Variants in PRKCZ observed in about 807,000 individuals in gnomAD.
PRKCZ encodes the protein protein kinase C zeta type.
PRKCZ carries 33 observed loss-of-function variants against 79.5 expected under a neutral mutation model. That is an observed-to-expected ratio of 0.41 (90% CI 0.31 to 0.55). The LOEUF is 0.55. Ranked by LOEUF, PRKCZ falls within the 20% of genes least tolerant of loss-of-function variation. The pLI is 0.19. For synonymous variants in PRKCZ, 342 were observed against 320.9 expected (o/e 1.07, Z -0.70); for missense variants, 578 against 813.5 (o/e 0.71, Z 3.52).
intron 4 of PRKCZ, among the ~76,000 whole-genome samples, chr1:2,109,717 G>A (rs1204077507): frequency 6.6e-6 from 1 of 152,194 alleles, no homozygotes; most frequent in Non-Finnish European, 1.5e-5. Context: ...TTACGGGGTC[G>A]GGCTCTCATT....
At chr1:2,119,305 C>G (rs147237062) in intron 4 of PRKCZ, among the ~76,000 whole-genome samples, 1,926 of 150,222 alleles carry the variant, frequency 0.013, 34 homozygotes, top group African/African-American at 0.044. Context: ...ACCTCCACCT[C>G]CTGGGTTCAA....
Position 2,052,840 on chromosome 1 carries a change from A to G in PRKCZ, c.71+2139A>G, listed in dbSNP as rs551225154. ...GGGTAGCTGAGCGTGGACACGTGGA[A>G]GACTAGTCTTTAGAAAAAGGAAGAG... is the stretch of plus-strand genomic sequence containing the variant. On this transcript the variant is annotated intron_variant, in intron 1 of 17. Coordinates refer to ENST00000378567, the MANE Select transcript of PRKCZ (RefSeq NM_002744.6). Among the ~76,000 whole-genome samples the G allele has an allele frequency of 4.6e-4, 70 of 152,176 alleles. 1 individual carries two copies. The highest frequency in any genetic ancestry group is 1.2e-3 in the Admixed American group (19 of 15,286).
At chr1:2,078,840 G>T (rs1035308608) in intron 4 of PRKCZ, among the ~76,000 whole-genome samples, 29 of 146,212 alleles carry the variant, frequency 2.0e-4, no homozygotes, top group African/African-American at 7.0e-4. Flanking sequence ...TTCTCTGAAG[G>T]TGGCTTTTTT....
At chr1:2,109,317 C>T (rs995339520) in intron 4 of PRKCZ, among the ~76,000 whole-genome samples, 1 of 152,160 alleles carries the variant, frequency 6.6e-6, no homozygotes, top group African/African-American at 2.4e-5. Flanking sequence ...GAGGCACTGC[C>T]GGACGCGCAG....
intron 9 of PRKCZ, among the ~76,000 whole-genome samples, chr1:2,152,721 C>T (rs972940412): frequency 3.9e-5 from 6 of 152,342 alleles, no homozygotes; most frequent in African/African-American, 1.2e-4. Flanking sequence ...TCTTCCTCTG[C>T]GGACTTCCGT....
intron 1 of PRKCZ, among the ~76,000 whole-genome samples, chr1:2,053,773 C>T (rs1446179592): frequency 2.6e-5 from 4 of 152,202 alleles, no homozygotes; most frequent in Admixed American, 2.6e-4. Context: ...TTTTGGACTC[C>T]AGGTCAGGCA....
intron 4 of PRKCZ, among the ~76,000 whole-genome samples, chr1:2,108,025 C>T (rs982713607): frequency 6.6e-6 from 1 of 152,250 alleles, no homozygotes; most frequent in Non-Finnish European, 1.5e-5. Flanking sequence ...AGCCTGCCTC[C>T]GTGGGGTGCT....
At chr1:2,121,954 C>T (rs796308505) in intron 4 of PRKCZ, among the ~76,000 whole-genome samples, 4 of 2,046 alleles carry the variant, frequency 2.0e-3, no homozygotes, top group South Asian at 0.016. Context: ...AGGGTCACGG[C>T]GGTGGTTAGG....
At chr1:2,142,644 T>G (rs1030449696) in intron 5 of PRKCZ, 5 of 189,082 alleles carry the variant, frequency 2.6e-5, no homozygotes, top group African/African-American at 1.2e-4. Flanking sequence ...TGGGCTGATG[T>G]AGGTAGCATG....
intron 10 of PRKCZ, among the ~76,000 whole-genome samples, chr1:2,162,136 C>A (rs367625640): frequency 1.7e-4 from 26 of 152,240 alleles, no homozygotes; most frequent in African/African-American, 6.0e-4. Flanking sequence ...CTGGGATTTT[C>A]TTTTCTTTTC....
intron 4 of PRKCZ, among the ~76,000 whole-genome samples, chr1:2,077,351 C>T (rs1202819796): frequency 2.6e-5 from 4 of 152,202 alleles, no homozygotes; most frequent in Non-Finnish European, 5.9e-5. Flanking sequence ...AAGACGGAGC[C>T]GCCCTGTGTC....
At chr1:2,097,707 G>C (rs971754213) in intron 4 of PRKCZ, among the ~76,000 whole-genome samples, 4 of 152,228 alleles carry the variant, frequency 2.6e-5, no homozygotes, top group Non-Finnish European at 5.9e-5. Flanking sequence ...GTGCCAGGGG[G>C]GCCCAGGCTC....
chr1:2,065,460 C>T (rs577341772), intron 4 of PRKCZ, among the ~76,000 whole-genome samples: 6 of 152,180 alleles, frequency 3.9e-5, no homozygotes, highest in African/African-American at 7.2e-5. Context: ...GGGTGGATCA[C>T]GAGGTCAGGA....
At chr1:2,088,119 C>T (rs1202888622) in intron 4 of PRKCZ, among the ~76,000 whole-genome samples, 1 of 152,170 alleles carries the variant, frequency 6.6e-6, no homozygotes, top group East Asian at 1.9e-4. Flanking sequence ...TTTGGTTTTA[C>T]AGTTTCCCAC....
At chr1:2,154,554 T>G (rs1023686298) in intron 9 of PRKCZ, among the ~76,000 whole-genome samples, 3 of 152,118 alleles carry the variant, frequency 2.0e-5, no homozygotes. Flanking sequence ...AAAATAAAAT[T>G]GCCAAGTGTG....
chr1:2,131,817 GTTGTTT>G (rs1224665475), intron 4 of PRKCZ, among the ~76,000 whole-genome samples: 2 of 152,190 alleles, frequency 1.3e-5, no homozygotes, highest in African/African-American at 4.8e-5. Context: ...AAAACAAGAT[GTTGTTT>G]TTGTTTTTGA....
chr1:2,181,448 G>A (rs375339106), intron 16 of PRKCZ, among the ~76,000 whole-genome samples: 1 of 152,236 alleles, frequency 6.6e-6, no homozygotes, highest in Admixed American at 6.5e-5. Context: ...CCGACCTGGG[G>A]CCAGCGTGCA....
chr1:2,165,342 G>T lies in PRKCZ; in HGVS notation c.975-4176G>T, dbSNP rs2103412489. ...CTGGAAGTGGGGTTTCCAAGTGAGG[G>T]TTCTGGGCCCGCCCGAGTCATCTGA... is the stretch of plus-strand genomic sequence containing the variant. On this transcript the variant is annotated intron_variant, in intron 10 of 17. Transcript: ENST00000378567. The surrounding 1 kb of genome is among the most constrained non-coding windows in gnomAD (Gnocchi z 4.1). 6.6e-6 allele frequency among the ~76,000 whole-genome samples: 1 copy of T among 152,296 alleles called. No homozygotes were observed. Among genetic ancestry groups the T allele is most frequent in the African/African-American group, 2.4e-5 (1 of 41,558 alleles).
At chr1:2,108,867 C>T (rs1669138098) in intron 4 of PRKCZ, among the ~76,000 whole-genome samples, 1 of 152,204 alleles carries the variant, frequency 6.6e-6, no homozygotes, top group African/African-American at 2.4e-5. Context: ...AGATGGAGCT[C>T]ACTGGGCCAA....
Sources: allele counts gnomAD v4.1 joint callset (sites outside exome capture counted in the v4.1 genomes callset), GRCh38; gene constraint gnomAD v4.1.1; non-coding constraint Gnocchi (gnomAD v3.1); transcripts MANE v1.5; gene names NCBI Gene and HGNC (gene_info 2026-07-23, HGNC 2026-07-21).